ARHGAP45: variants seen among roughly 807,000 people sequenced by gnomAD.
The protein encoded by ARHGAP45 is Rho GTPase activating protein 45.
In ARHGAP45, 56 loss-of-function variants were observed where a neutral mutation model predicts 116.1. The observed-to-expected ratio is 0.48, with a 90% CI of 0.39 to 0.60. The LOEUF is 0.60. Among genes scored for constraint, ARHGAP45 ranks in the 20% least tolerant of loss-of-function variants. The probability of loss-of-function intolerance (pLI) is 0.00; values close to 1 mark genes in which losing one functional copy is unlikely to be tolerated. For synonymous variants in ARHGAP45, 866 were observed against 701.7 expected, an observed-to-expected ratio of 1.23 and a Z score of -3.70; for missense variants, 1,622 against 1,601.0, an observed-to-expected ratio of 1.01 and a Z score of -0.22.
In ARHGAP45 at chr19:1,080,395, G is replaced by C. The variant is rs375453288; in HGVS notation, c.1828+16G>C. ...GACCACAGGGGTGAGTGTCCGGCGG[G>C]GCCCAGGGGCGGACGCTGGCTCCCT... is the stretch of plus-strand genomic sequence containing the variant. On this transcript the variant is annotated intron_variant, in intron 14 of 22. Transcript: ENST00000313093. 6.2e-7 allele frequency: 1 copy of C among 1,607,456 alleles called. No homozygotes were observed. Among genetic ancestry groups the C allele is most frequent in the African/African-American group, 1.3e-5 (1 of 74,712 alleles).
Position 1,086,026 on chromosome 19 carries a change from C to T in ARHGAP45, c.*20C>T, listed in dbSNP as rs1034493707. 3 of 1,595,882 alleles carry T rather than the reference C, an allele frequency of 1.9e-6. No homozygotes were observed. Among genetic ancestry groups the T allele is most frequent in the East Asian group, 2.2e-5 (1 of 44,682 alleles). On this transcript the variant is annotated 3_prime_UTR_variant, in exon 23 of 23. Transcript: ENST00000313093. ...GTGTGAGCTGGGGTGGGGCTGGGAC[C>T]ACAGGTGGCTTCTCTCTTGCCTGCT...
intron 22 of ARHGAP45, 117 bp from the exon 23 acceptor site, chr19:1,085,543 C>CTCTCCTCCA (rs1399129686): frequency 1.4e-6 from 1 of 723,136 alleles, no homozygotes; most frequent in Non-Finnish European, 2.3e-6. Context: ...TCTCTCCTGT[C>CTCTCCTCCA]TCTCCATCTC....
rs2043094140 is a variant in ARHGAP45 at position 1,069,196 on chromosome 19, G to A, written c.421+452G>A. Among the ~76,000 whole-genome samples, 1 of 152,126 alleles carries A rather than the reference G, an allele frequency of 6.6e-6. No individual in the cohort carries two copies. The highest frequency in any genetic ancestry group is 1.5e-5 in the Non-Finnish European group (1 of 68,012). On this transcript the variant is annotated intron_variant, in intron 2 of 22. Transcript: ENST00000313093. The surrounding 1 kb of genome is among the most constrained non-coding windows in gnomAD (Gnocchi z 4.1). ...TGTCTTGGAATGAAGCAAACTGGGGGTTGGCTGAGGTCTGGGTGGAGAGAG... is the reference window on the plus strand; with the variant it reads ...TGTCTTGGAATGAAGCAAACTGGGGATTGGCTGAGGTCTGGGTGGAGAGAG...
chr19:1,085,595 C>CCTCCCCTTGTCT, intron 22 of ARHGAP45, 65 bp from the exon 23 acceptor site: 1 of 1,232,920 alleles, frequency 8.1e-7, no homozygotes, highest in Middle Eastern at 1.9e-4. Context: ...CCTGTCTGTC[C>CCTCCCCTTGTCT]CTCCCCTTGT....
Position 1,079,737 on chromosome 19 carries a change from T to G in ARHGAP45, c.1409T>G (p.Val470Gly). 6.2e-7 allele frequency: 1 copy of G among 1,612,478 alleles called. No homozygotes were observed. The highest frequency in any genetic ancestry group is 8.5e-7 in the Non-Finnish European group (1 of 1,179,732). Residue 470 changes from valine (V) to glycine (G), a missense_variant, in exon 12 of 23, where the codon GTG becomes GGG. Coordinates refer to ENST00000313093, the MANE Select transcript of ARHGAP45 (RefSeq NM_012292.5). ...EEAMATYRTC[V>G]ADAKTQKQEL... ...GCTATGGCCACCTACCGCACCTGCG[T>G]GGCCGACGCGAAGACGCAGAAGCAG...
rs1190563618 is a variant in ARHGAP45, at chr19:1,073,273, C to T, written c.546C>T (p.Thr182=). The T allele has an allele frequency of 6.2e-7, 1 of 1,613,438 alleles. No individual in the cohort carries two copies. The highest frequency in any genetic ancestry group is 8.5e-7 in the Non-Finnish European group (1 of 1,179,990). ...NTVETLTAAG[T]LIAKVKAFHY... ...TGGAGACGCTCACCGCAGCCGGCAC[C>T]CTCATTGCCAAGGTCAAAGGTCAGC... The change falls in exon 3 of 23, where the codon ACC becomes ACT. Residue 182 remains threonine, a synonymous_variant. Coordinates refer to ENST00000313093, the MANE Select transcript of ARHGAP45 (RefSeq NM_012292.5).
Position 1,082,886 on chromosome 19 carries a change from G to T in ARHGAP45, c.2564G>T (p.Gly855Val). The T allele has an allele frequency of 6.3e-7, 1 of 1,585,466 alleles. No individual in the cohort carries two copies. The change falls in exon 20 of 23, where the codon GGG (glycine) becomes GTG (valine). Residue 855 changes from glycine to valine, a missense_variant. By Grantham distance (109) the Gly-to-Val change is moderately radical. This residue lies in a region of ARHGAP45 where 1,334 missense variants were observed against 1,263.8 expected (regional missense o/e 1.06). Transcript: ENST00000313093. ...ISFRLYHELV[G>V]LAKDSLKAEA... The stretch of plus-strand genomic sequence containing the variant: ...TTCCGCCTCTACCACGAGCTCGTAG[G>T]GCTGGCCAAGGACAGCCTGAAGGCA...
At chr19:1,078,304 T>C (rs35532684) in intron 11 of ARHGAP45, among the ~76,000 whole-genome samples, 9,666 of 150,898 alleles carry the variant, frequency 0.064, 403 homozygotes, top group Non-Finnish European at 0.094. Flanking sequence ...CCACCACGCC[T>C]GGCTAATTTT....
intron 21 of ARHGAP45, 87 bp from the exon 22 acceptor site, chr19:1,084,151 G>C: frequency 7.9e-7 from 1 of 1,271,716 alleles, no homozygotes; most frequent in Non-Finnish European, 1.1e-6. Context: ...GTCAGTAGCT[G>C]TTACGGGCTG....
rs942773903 is a variant in ARHGAP45, at chr19:1,086,074, T to G, written c.*68T>G. 6.5e-6 allele frequency: 9 copies of G among 1,388,264 alleles called. No homozygotes were observed. Among genetic ancestry groups the G allele is most frequent in the Non-Finnish European group, 9.0e-6 (9 of 997,972 alleles). The allele number at this position is 1,388,264 out of a possible 1,614,324, so 86.0% of individuals were successfully genotyped here. The stretch of plus-strand genomic sequence containing the variant: ...GCTCCTGTCCCTCCAGCACGTCCCC[T>G]GCACCACGGCATAGCTTAGGTGCGC... On this transcript the variant is annotated 3_prime_UTR_variant, in exon 23 of 23. Transcript: ENST00000313093.
In ARHGAP45 at chr19:1,080,390, G is replaced by A. The variant is rs773374094; in HGVS notation, c.1828+11G>A. The A allele has an allele frequency of 6.8e-6, 11 of 1,607,572 alleles. No homozygotes were observed. The highest frequency in any genetic ancestry group is 6.7e-5 in the East Asian group (3 of 44,886). On this transcript the variant is annotated intron_variant, in intron 14 of 22. Transcript: ENST00000313093. Reference sequence around the variant, plus strand: ...CCAAGGACCACAGGGGTGAGTGTCCGGCGGGGCCCAGGGGCGGACGCTGGC... The same window carrying A: ...CCAAGGACCACAGGGGTGAGTGTCCAGCGGGGCCCAGGGGCGGACGCTGGC...
chr19:1,070,710 C>G (rs1408831788), intron 2 of ARHGAP45, among the ~76,000 whole-genome samples: 16 of 151,868 alleles, frequency 1.1e-4, no homozygotes, highest in Admixed American at 7.9e-4. Flanking sequence ...CTAGAACTCC[C>G]GAGCTAAAAA....
intron 10 of ARHGAP45, 45 bp from the exon 11 acceptor site, chr19:1,077,812 C>T: frequency 6.4e-7 from 1 of 1,550,584 alleles, no homozygotes; most frequent in Non-Finnish European, 8.7e-7. Context: ...TGAGTCCCAT[C>T]CGAGGATAGG....
At position 1,068,355 on chromosome 19, in the gene ARHGAP45, C is replaced by T. The variant is rs1388021679; in HGVS notation, c.91-59C>T. On this transcript the variant is annotated intron_variant, in intron 1 of 22. Coordinates refer to ENST00000313093, the MANE Select transcript of ARHGAP45 (RefSeq NM_012292.5). This position sits in a 1 kb window ranked among gnomAD's most constrained non-coding sequence, Gnocchi z 7.5. ...CAGCCCCACTTCATTTCTGGGGAAA[C>T]TGAGGCCGTGTCCAGGCCGGAAAAT... is the stretch of plus-strand genomic sequence containing the variant. The T allele has an allele frequency of 2.1e-6, 3 of 1,408,382 alleles. No individual in the cohort carries two copies. The African/African-American group carries it at 4.4e-5, about 20-fold the overall frequency. 87.2% of individuals were successfully genotyped at this position (1,408,382 alleles called of 1,614,324 possible). A position where few individuals can be genotyped will look rare whatever the true frequency, so the allele number is the denominator to read the frequency against.
intron 22 of ARHGAP45, 29 bp from the exon 23 acceptor site, chr19:1,085,631 T>TC (rs765674718): frequency 1.1e-5 from 16 of 1,463,424 alleles, no homozygotes; most frequent in African/African-American, 7.2e-5. Flanking sequence ...CCTGTCTGTC[T>TC]CCCCCCGCCA....
At chr19:1,067,581 G>A (rs772777194) in intron 1 of ARHGAP45, 86 bp downstream of exon 1, 2 of 1,321,402 alleles carry the variant, frequency 1.5e-6, no homozygotes, top group African/African-American at 2.9e-5. Context: ...TCATGCTGGG[G>A]CGGCGGCTGG....
In ARHGAP45 at chr19:1,081,910, G is replaced by T; in HGVS notation, c.2466G>T (p.Ser822=). The T allele has an allele frequency of 1.9e-6, 3 of 1,612,946 alleles. No individual in the cohort carries two copies. Among genetic ancestry groups the T allele is most frequent in the Non-Finnish European group, 2.5e-6 (3 of 1,179,884 alleles). Residue 822 remains serine (S), a synonymous_variant, in exon 19 of 23, where the codon TCG becomes TCT. Transcript: ENST00000313093. ...ACGGCAAGGAGCTGGTCGAGCTGTC[G>T]CAGGCCTCGCCCCACGACATCAGCA... ...FENGKELVEL[S]QASPHDISNV...
Position 1,069,684 on chromosome 19 carries a change from G to C in ARHGAP45, c.421+940G>C, listed in dbSNP as rs2043102710. Among the ~76,000 whole-genome samples, 1 of 152,200 alleles carries C rather than the reference G, an allele frequency of 6.6e-6. No homozygotes were observed. On this transcript the variant is annotated intron_variant, in intron 2 of 22. Transcript: ENST00000313093. This position sits in a 1 kb window ranked among gnomAD's most constrained non-coding sequence, Gnocchi z 4.1. ...TATCTGGTCCCAGGGGCGGGGGCTAGGCTGCTTTCCTGGGGAAACCCTAAT... is the reference window on the plus strand; with the variant it reads ...TATCTGGTCCCAGGGGCGGGGGCTACGCTGCTTTCCTGGGGAAACCCTAAT...
chr19:1,072,026 CCTT>C lies in ARHGAP45; in HGVS notation c.422-1119_422-1117del, dbSNP rs1184877110. ...TACTCTCTGCTTTTTTCTTTTCTTTCCTTCTTTTCTTTTCTTTCCTTTTCTTTC... is the reference window on the plus strand; with the variant it reads ...TACTCTCTGCTTTTTTCTTTTCTTTCCTTTTCTTTTCTTTCCTTTTCTTTC... On this transcript the variant is annotated intron_variant, in intron 2 of 22. Transcript: ENST00000313093. Among the ~76,000 whole-genome samples, 5 of 151,198 alleles carry C rather than the reference CCTT, an allele frequency of 3.3e-5. No homozygotes were observed. In the South Asian group the frequency reaches 8.4e-4, roughly 25 times the overall value.
Sources: gnomAD v4.1 joint callset for allele counts (sites outside exome capture counted in the v4.1 genomes callset) on GRCh38, gnomAD v4.1.1 for gene constraint, gnomAD v4.1.1 regional missense constraint, Gnocchi (gnomAD v3.1) non-coding constraint, MANE v1.5 for transcripts, NCBI Gene and HGNC (gene_info 2026-07-23, HGNC 2026-07-21) for gene names.